Variants in NUP62CL observed in about 807,000 individuals in gnomAD.
NUP62CL encodes nucleoporin 62 C-terminal like.
NUP62CL carries 13 observed loss-of-function variants against 15.3 expected under a neutral mutation model. The observed-to-expected ratio is 0.85, with a 90% CI of 0.55 to 1.35. The LOEUF (loss-of-function observed/expected upper bound fraction) is 1.35. Among genes scored for constraint, NUP62CL ranks in the 40% most tolerant of loss-of-function variants. NUP62CL has a pLI of 0.00. For synonymous variants in NUP62CL, 54 were observed against 49.2 expected (o/e 1.10, Z -0.41); for missense variants, 123 against 130.6 (o/e 0.94, Z 0.28).
intron 2 of NUP62CL, among the ~76,000 whole-genome samples, chrX:107,176,655 A>G (rs182906313): frequency 9.1e-6 from 1 of 110,365 alleles, no homozygotes. Context: ...ACTGGATTGT[A>G]TACTTAAAAC....
At chrX:107,152,258 A>G (rs1267019860) in intron 7 of NUP62CL, among the ~76,000 whole-genome samples, 3 of 102,064 alleles carry the variant, frequency 2.9e-5, no homozygotes, top group African/African-American at 1.1e-4. Context: ...TCTTCAAACT[A>G]CAGTTAGGAT....
intron 2 of NUP62CL, 83 bp from the exon 3 acceptor site, chrX:107,175,276 A>C (rs1322246882): frequency 4.2e-6 from 2 of 481,111 alleles, no homozygotes; most frequent in Admixed American, 3.5e-5. Context: ...AAGGTTCATT[A>C]ATATGGAGAA....
chrX:107,136,965 G>A (rs1422444202), intron 8 of NUP62CL, among the ~76,000 whole-genome samples: 1 of 111,852 alleles, frequency 8.9e-6, no homozygotes, highest in Admixed American at 9.5e-5. Flanking sequence ...TTGGGAGGCT[G>A]AGGCAGGAGA....
chrX:107,138,038 GT>G (rs1336719967), intron 8 of NUP62CL, among the ~76,000 whole-genome samples: 23 of 111,287 alleles, frequency 2.1e-4, no homozygotes, highest in African/African-American at 7.2e-4. Context: ...TGTTGTTGTT[GT>G]TTTTTAAGGC....
chrX:107,168,765 G>A (rs907473467), intron 3 of NUP62CL, among the ~76,000 whole-genome samples: 2 of 112,350 alleles, frequency 1.8e-5, no homozygotes. Flanking sequence ...GTACATGATT[G>A]TTTGTTTTAT....
At chrX:107,127,413 T>C (rs1925415604) in intron 8 of NUP62CL, among the ~76,000 whole-genome samples, 2 of 112,070 alleles carry the variant, frequency 1.8e-5, no homozygotes, top group East Asian at 2.8e-4. Context: ...TAAATGGCTA[T>C]TGGTTAAGGT....
chrX:107,137,837 A>G (rs1395821074), intron 8 of NUP62CL, among the ~76,000 whole-genome samples: 3 of 111,650 alleles, frequency 2.7e-5, no homozygotes, highest in African/African-American at 9.7e-5. Context: ...TTCCTATCAA[A>G]TCCCAGGACA....
intron 4 of NUP62CL, among the ~76,000 whole-genome samples, chrX:107,155,625 T>C (rs1471057009): frequency 9.0e-6 from 1 of 111,305 alleles, no homozygotes; most frequent in Non-Finnish European, 1.9e-5. Context: ...AGTGGGAAGC[T>C]GAACATACAA....
intron 2 of NUP62CL, among the ~76,000 whole-genome samples, chrX:107,188,279 A>C (rs1927118185): frequency 8.9e-6 from 1 of 112,229 alleles, no homozygotes; most frequent in Non-Finnish European, 1.9e-5. Context: ...GATTTATTTC[A>C]GAGATGCAAG....
chrX:107,145,267 A>G (rs1402097051), intron 8 of NUP62CL, among the ~76,000 whole-genome samples: 1 of 111,306 alleles, frequency 9.0e-6, no homozygotes, highest in Admixed American at 9.5e-5. Flanking sequence ...GCAGAAAATG[A>G]AAAATCTAGC....
chrX:107,183,830 T>C, intron 2 of NUP62CL, among the ~76,000 whole-genome samples: 1 of 111,186 alleles, frequency 9.0e-6, no homozygotes, highest in African/African-American at 3.3e-5. Flanking sequence ...ACACCCACCC[T>C]TGTGAGGCTA....
chrX:107,193,495 A>C (rs933510848), intron 1 of NUP62CL, among the ~76,000 whole-genome samples: 1 of 112,214 alleles, frequency 8.9e-6, no homozygotes, highest in Non-Finnish European at 1.9e-5. Flanking sequence ...GACAAGAAAC[A>C]TGTGAGAATC....
At chrX:107,155,947 G>A (rs1200059476) in intron 4 of NUP62CL, among the ~76,000 whole-genome samples, 2 of 112,542 alleles carry the variant, frequency 1.8e-5, no homozygotes, top group Non-Finnish European at 3.8e-5. Context: ...CCAAAGCAGG[G>A]CGAGGCATTC....
intron 2 of NUP62CL, among the ~76,000 whole-genome samples, chrX:107,175,544 C>CT (rs972979270): frequency 6.3e-5 from 7 of 111,809 alleles, no homozygotes; most frequent in Admixed American, 9.5e-5. Flanking sequence ...CAAAAAGTTA[C>CT]TTTTTTTTCT....
intron 1 of NUP62CL, among the ~76,000 whole-genome samples, chrX:107,205,042 T>A (rs1033451122): frequency 1.8e-5 from 2 of 110,733 alleles, no homozygotes; most frequent in African/African-American, 3.3e-5. Flanking sequence ...GTACATTTTT[T>A]AAAATGTAAT....
At chrX:107,142,703 G>C (rs897150746) in intron 8 of NUP62CL, among the ~76,000 whole-genome samples, 2 of 111,674 alleles carry the variant, frequency 1.8e-5, no homozygotes, top group African/African-American at 6.5e-5. Context: ...CTCTCTAAGA[G>C]AAGTAGCACC....
At chrX:107,185,612 T>G (rs897619612) in intron 2 of NUP62CL, among the ~76,000 whole-genome samples, 1 of 110,826 alleles carries the variant, frequency 9.0e-6, no homozygotes, top group Non-Finnish European at 1.9e-5. Flanking sequence ...AAAAACACTA[T>G]AGACAAATCA....
intron 8 of NUP62CL, chrX:107,132,313 A>C (rs1394823557): frequency 8.1e-5 from 64 of 793,472 alleles, no homozygotes; most frequent in Non-Finnish European, 1.1e-4. Context: ...ACTTGTCAAG[A>C]ACTTTTTAGA....
intron 8 of NUP62CL, among the ~76,000 whole-genome samples, chrX:107,132,923 A>G (rs894684932): frequency 2.7e-5 from 3 of 112,366 alleles, no homozygotes; most frequent in Non-Finnish European, 5.6e-5. Flanking sequence ...ATAGTTTTGT[A>G]GGTGAAAAGT....
Sources: allele counts gnomAD v4.1 joint callset (sites outside exome capture counted in the v4.1 genomes callset), GRCh38; gene constraint gnomAD v4.1.1; transcripts MANE v1.5; gene names NCBI Gene and HGNC (gene_info 2026-07-23, HGNC 2026-07-21).